Variants in SGCD observed in about 807,000 individuals in gnomAD.
SGCD encodes sarcoglycan delta, also known as delta-sarcoglycan.
SGCD carries 18 observed loss-of-function variants against 36.6 expected under a neutral mutation model. The ratio of observed to expected loss-of-function variants is 0.49; its 90% CI spans 0.34 to 0.73. The LOEUF is 0.73. SGCD is among the 30% of genes least tolerant of loss of function. The pLI is 0.01. For missense variants in SGCD, 387 were observed against 346.7 expected (o/e 1.12, Z -0.92); for synonymous variants, 133 against 130.6 (o/e 1.02, Z -0.12).
At chr5:156,332,946 A>G (rs1768140738) in intron 2 of SGCD, among the ~76,000 whole-genome samples, 1 of 152,206 alleles carries the variant, frequency 6.6e-6, no homozygotes, top group African/African-American at 2.4e-5. Context: ...ACTAGAAGTA[A>G]ATTATTCCTC....
intron 1 of SGCD, among the ~76,000 whole-genome samples, chr5:156,109,920 A>G (rs1242123587): frequency 6.6e-6 from 1 of 152,228 alleles, no homozygotes; most frequent in Non-Finnish European, 1.5e-5. Flanking sequence ...GTTACGAATC[A>G]GGAGACCCTG....
intron 3 of SGCD, among the ~76,000 whole-genome samples, chr5:156,475,927 A>G (rs1159257973): frequency 6.6e-6 from 1 of 152,212 alleles, no homozygotes; most frequent in Non-Finnish European, 1.5e-5. Context: ...TCCTTGCAGC[A>G]GGGTGCATTG....
At chr5:155,865,221 T>C in the SGCD span, among the ~76,000 whole-genome samples, 1 of 152,108 alleles carries the variant, frequency 6.6e-6, no homozygotes, top group African/African-American at 2.4e-5. Flanking sequence ...ACCCATAACA[T>C]AAAATATATG....
At chr5:155,858,803 A>G in the SGCD span, among the ~76,000 whole-genome samples, 1 of 152,116 alleles carries the variant, frequency 6.6e-6, no homozygotes, top group Non-Finnish European at 1.5e-5. Flanking sequence ...GCTTCTTAGA[A>G]TCTCTGACCC....
chr5:156,649,045 G>A (rs1763348050), intron 7 of SGCD, among the ~76,000 whole-genome samples: 1 of 152,144 alleles, frequency 6.6e-6, no homozygotes, highest in Non-Finnish European at 1.5e-5. Flanking sequence ...CAACAAATGG[G>A]CGAAGGATAT....
At chr5:155,740,295 T>C in the SGCD span, among the ~76,000 whole-genome samples, 1 of 152,168 alleles carries the variant, frequency 6.6e-6, no homozygotes, top group Non-Finnish European at 1.5e-5. Context: ...CTCTCAACTC[T>C]TAGCAAGATT....
the SGCD span, among the ~76,000 whole-genome samples, chr5:155,794,189 T>G: frequency 6.6e-6 from 1 of 152,096 alleles, no homozygotes; most frequent in Non-Finnish European, 1.5e-5. Flanking sequence ...AGCAGATCAG[T>G]CTCTGGTAAT....
intron 1 of SGCD, among the ~76,000 whole-genome samples, chr5:156,090,426 G>C (rs1010689570): frequency 6.6e-6 from 1 of 152,140 alleles, no homozygotes; most frequent in African/African-American, 2.4e-5. Flanking sequence ...TGGCGACCTC[G>C]AGCTGCAAAA....
chr5:156,110,022 A>G (rs564349174), intron 1 of SGCD, among the ~76,000 whole-genome samples: 54 of 152,318 alleles, frequency 3.5e-4, no homozygotes, highest in African/African-American at 1.3e-3. Flanking sequence ...TGAGCAGCAG[A>G]TAACTCACCT....
chr5:156,319,393 T>C (rs970856670), intron 3 of SGCD, among the ~76,000 whole-genome samples: 3 of 152,264 alleles, frequency 2.0e-5, no homozygotes, highest in Non-Finnish European at 4.4e-5. Context: ...CATTTTTGCC[T>C]GCCTTTAACT....
At chr5:156,639,488 A>G (rs1026870681) in intron 6 of SGCD, among the ~76,000 whole-genome samples, 9 of 152,110 alleles carry the variant, frequency 5.9e-5, no homozygotes, top group African/African-American at 2.2e-4. Flanking sequence ...GCCTATATAA[A>G]AGTGTGGTTA....
intron 7 of SGCD, among the ~76,000 whole-genome samples, chr5:156,740,822 C>T (rs1383955271): frequency 6.6e-6 from 1 of 152,194 alleles, no homozygotes; most frequent in Non-Finnish European, 1.5e-5. Context: ...TTCAAAAGCT[C>T]CCCTTGTGAT....
chr5:156,548,236 T>C (rs1010367900), intron 4 of SGCD, among the ~76,000 whole-genome samples: 2 of 152,194 alleles, frequency 1.3e-5, no homozygotes, highest in Admixed American at 6.5e-5. Flanking sequence ...ACTGGCAAGA[T>C]GAATATGCTC....
intron 7 of SGCD, among the ~76,000 whole-genome samples, chr5:156,725,408 C>T (rs551069044): frequency 3.9e-5 from 6 of 152,242 alleles, no homozygotes; most frequent in South Asian, 2.1e-4. Context: ...GCTGTGTTAG[C>T]CCTGGATGAA....
chr5:155,864,091 A>G, the SGCD span, among the ~76,000 whole-genome samples: 2 of 152,200 alleles, frequency 1.3e-5, no homozygotes, highest in Non-Finnish European at 2.9e-5. Context: ...GTTTCCTGGG[A>G]AAGACTTTCT....
At chr5:156,214,840 A>G (rs1461587333) in intron 3 of SGCD, among the ~76,000 whole-genome samples, 3 of 152,100 alleles carry the variant, frequency 2.0e-5, no homozygotes, top group Non-Finnish European at 4.4e-5. Flanking sequence ...AGAACACACA[A>G]TGGGGAAAAG....
At chr5:155,947,753 G>T (rs1034699723) in intron 1 of SGCD, among the ~76,000 whole-genome samples, 21 of 152,164 alleles carry the variant, frequency 1.4e-4, no homozygotes, top group African/African-American at 4.8e-4. Flanking sequence ...TCTAACTGCA[G>T]CAGGTACATG....
chr5:156,182,014 A>G (rs1271016974), intron 3 of SGCD, among the ~76,000 whole-genome samples: 2 of 152,194 alleles, frequency 1.3e-5, no homozygotes, highest in Non-Finnish European at 2.9e-5. Flanking sequence ...AACTCAAGGG[A>G]TGGAGGAGAT....
At chr5:155,741,921 A>G in the SGCD span, among the ~76,000 whole-genome samples, 2 of 151,992 alleles carry the variant, frequency 1.3e-5, no homozygotes, top group African/African-American at 2.4e-5. Context: ...CTAGGCTCAG[A>G]AAATCCACCT....
Sources: gnomAD v4.1 joint callset for allele counts (sites outside exome capture counted in the v4.1 genomes callset) on GRCh38, gnomAD v4.1.1 for gene constraint, MANE v1.5 for transcripts, NCBI Gene and HGNC (gene_info 2026-07-23, HGNC 2026-07-21) for gene names.